Variants in CDADC1 observed in about 807,000 individuals in gnomAD.
CDADC1 encodes cytidine and dCMP deaminase domain containing 1.
CDADC1 carries 39 observed loss-of-function variants against 54.9 expected under a neutral mutation model. The ratio of observed to expected loss-of-function variants is 0.71; its 90% CI spans 0.55 to 0.93. The LOEUF (loss-of-function observed/expected upper bound fraction) is 0.93, where lower values mean the gene tolerates loss of function less well. CDADC1 is among the 40% of genes least tolerant of loss of function. The probability of loss-of-function intolerance (pLI) is 0.00; values close to 1 mark genes in which losing one functional copy is unlikely to be tolerated. For missense variants in CDADC1, 518 were observed against 618.8 expected (o/e 0.84, Z 1.73); for synonymous variants, 186 against 204.0 (o/e 0.91, Z 0.75).
At chr13:49,261,824 C>T (rs1190857162) in intron 4 of CDADC1, among the ~76,000 whole-genome samples, 3 of 152,172 alleles carry the variant, frequency 2.0e-5, no homozygotes, top group Non-Finnish European at 2.9e-5. Flanking sequence ...GCAGGTAACT[C>T]ATCACTGCTT....
intron 8 of CDADC1, among the ~76,000 whole-genome samples, chr13:49,284,874 CTTTTGGT>C (rs1195394199): frequency 6.6e-6 from 1 of 152,112 alleles, no homozygotes; most frequent in Non-Finnish European, 1.5e-5. Flanking sequence ...CTAGCAGGGC[CTTTTGGT>C]TAAGTCATTA....
chr13:49,289,450 G>A lies in CDADC1; in HGVS notation c.1472-2234G>A, dbSNP rs571654989. 8.5e-5 allele frequency among the ~76,000 whole-genome samples: 13 copies of A among 152,206 alleles called. No individual in the cohort carries two copies. The South Asian group carries it at 1.5e-3, about 17-fold the overall frequency. On this transcript the variant is annotated intron_variant, in intron 9 of 9. Coordinates refer to ENST00000251108, the MANE Select transcript of CDADC1 (RefSeq NM_030911.4). The stretch of plus-strand genomic sequence containing the variant: ...GCCTGAAATAGCATTTTTTATAAGC[G>A]TATGCCCTAGAGAAACTCTTGCATA...
rs777756150 is a variant in CDADC1 at position 49,286,277 on chromosome 13, G to A, written c.1466G>A (p.Arg489Lys). 6.2e-7 allele frequency: 1 copy of A among 1,611,432 alleles called. No individual in the cohort carries two copies. The highest frequency in any genetic ancestry group is 8.5e-7 in the Non-Finnish European group (1 of 1,177,592). ...CTTGAACAAAATGAGCCTGAAAGGA[G>A]AGAAAGTAAGTATTTATGTATTGAG... is the stretch of plus-strand genomic sequence containing the variant. Reference protein sequence around the residue: ...YGLEQNEPERRENGVLRPVPQ... With the variant: ...YGLEQNEPERKENGVLRPVPQ... Residue 489 changes from arginine (R) to lysine (K), a missense_variant, in exon 9 of 10, where the codon AGA becomes AAA. Coordinates refer to ENST00000251108, the MANE Select transcript of CDADC1 (RefSeq NM_030911.4).
intron 5 of CDADC1, among the ~76,000 whole-genome samples, chr13:49,269,109 T>C (rs1443658575): frequency 6.6e-6 from 1 of 152,134 alleles, no homozygotes; most frequent in Non-Finnish European, 1.5e-5. Context: ...GGGAGTGTAC[T>C]GTAGTAGGAT....
chr13:49,249,987 T>C lies in CDADC1; in HGVS notation c.177+1022T>C, dbSNP rs148499837. Among the ~76,000 whole-genome samples the C allele has an allele frequency of 3.0e-3, 454 of 152,258 alleles. 3 individuals carry two copies. The highest frequency in any genetic ancestry group is 0.01 in the African/African-American group (432 of 41,540). On this transcript the variant is annotated intron_variant, in intron 2 of 9. Coordinates refer to ENST00000251108, the MANE Select transcript of CDADC1 (RefSeq NM_030911.4). ...CATTGGAAAATAGTATTAGGTTAAG[T>C]TGAGCATTTAAGACTTTTTTTAAAA...
intron 8 of CDADC1, among the ~76,000 whole-genome samples, chr13:49,284,215 T>TC (rs1361911149): frequency 2.0e-5 from 3 of 152,212 alleles, no homozygotes; most frequent in Admixed American, 6.5e-5. Context: ...TGTGGATTTT[T>TC]CTCTATTAGG....
intron 7 of CDADC1, among the ~76,000 whole-genome samples, chr13:49,280,150 C>G (rs1953275617): frequency 6.6e-6 from 1 of 152,126 alleles, no homozygotes; most frequent in Non-Finnish European, 1.5e-5. Flanking sequence ...AAATCTAATT[C>G]CAGTATTCTA....
intron 8 of CDADC1, among the ~76,000 whole-genome samples, chr13:49,282,696 C>A (rs1046097841): frequency 2.0e-5 from 3 of 152,350 alleles, no homozygotes; most frequent in Non-Finnish European, 4.4e-5. Context: ...AGTTAAGAAG[C>A]TTCTTCTGTA....
intron 1 of CDADC1, chr13:49,248,371 G>T (rs1593778088): frequency 4.5e-6 from 2 of 447,676 alleles, no homozygotes; most frequent in Non-Finnish European, 8.0e-6. Flanking sequence ...GGCCTCTGAG[G>T]TCAAAGAGCC....
At chr13:49,267,031 G>A (rs1396088871) in intron 4 of CDADC1, among the ~76,000 whole-genome samples, 1 of 152,132 alleles carries the variant, frequency 6.6e-6, no homozygotes, top group African/African-American at 2.4e-5. Context: ...TCTGTGAGAG[G>A]CTGGGTAACT....
At chr13:49,266,510 T>C (rs1284612034) in intron 4 of CDADC1, among the ~76,000 whole-genome samples, 2 of 152,206 alleles carry the variant, frequency 1.3e-5, no homozygotes, top group African/African-American at 2.4e-5. Flanking sequence ...TAGTTTGTTG[T>C]TTTGTCTTTA....
chr13:49,254,125 A>G (rs1167323490), intron 2 of CDADC1, among the ~76,000 whole-genome samples: 1 of 152,192 alleles, frequency 6.6e-6, no homozygotes, highest in African/African-American at 2.4e-5. Context: ...CATGCAGTAG[A>G]TGTTAGGTAC....
Position 49,259,491 on chromosome 13 carries a change from C to G in CDADC1, c.398C>G (p.Pro133Arg), listed in dbSNP as rs372330771. Residue 133 changes from proline (P) to arginine (R), a missense_variant, in exon 4 of 10, where the codon CCA becomes CGA. Physicochemically the swap from Pro to Arg is moderately radical, Grantham distance 103 (BLOSUM62 -2). Transcript: ENST00000251108. ...TGTGATCTTTATTTTTCCAGAAAAC[C>G]ATGTTCTGCTTGTTTGAAAATGATT... ...KNCDLYFSRK[P>R]CSACLKMIVN... The G allele has an allele frequency of 1.2e-6, 2 of 1,613,848 alleles. No individual in the cohort carries two copies. The highest frequency in any genetic ancestry group is 1.7e-6 in the Non-Finnish European group (2 of 1,179,916).
chr13:49,274,422 T>C, intron 6 of CDADC1, 82 bp downstream of exon 6: 1 of 1,091,860 alleles, frequency 9.2e-7, no homozygotes, highest in East Asian at 2.5e-5. Flanking sequence ...TACAGGTTAC[T>C]GACTGCCAAG....
chr13:49,268,231 GTT>G (rs1232055755), intron 5 of CDADC1, among the ~76,000 whole-genome samples, 172 bp downstream of exon 5: 2 of 152,148 alleles, frequency 1.3e-5, no homozygotes, highest in African/African-American at 4.8e-5. Context: ...TCTCCCAGCA[GTT>G]TTGGGATTCC....
At chr13:49,285,406 ACCT>A (rs2138266804) in intron 8 of CDADC1, among the ~76,000 whole-genome samples, 1 of 151,884 alleles carries the variant, frequency 6.6e-6, no homozygotes, top group South Asian at 2.1e-4. Context: ...TCTCTATCTG[ACCT>A]CGTGATCCAC....
Position 49,259,404 on chromosome 13 carries a change from C to G in CDADC1, c.311C>G (p.Ser104Cys), listed in dbSNP as rs1952618508. 1 of 1,613,762 alleles carries G rather than the reference C, an allele frequency of 6.2e-7. No individual in the cohort carries two copies. The highest frequency in any genetic ancestry group is 1.7e-5 in the Admixed American group (1 of 60,008). Residue 104 changes from serine (S) to cysteine (C), a missense_variant, in exon 4 of 10, where the codon TCT becomes TGT. Transcript: ENST00000251108. ...KNMKIVGLHC[S>C]SEDLHAGQIA... ...ATGAAAATTGTTGGTCTCCACTGTTCTAGTGAAGATTTACATGCCGGGCAG... is the reference window on the plus strand; with the variant it reads ...ATGAAAATTGTTGGTCTCCACTGTTGTAGTGAAGATTTACATGCCGGGCAG...
chr13:49,271,577 G>A (rs1367903424), intron 5 of CDADC1, among the ~76,000 whole-genome samples: 1 of 151,436 alleles, frequency 6.6e-6, no homozygotes, highest in African/African-American at 2.4e-5. Context: ...TTGATTTAGG[G>A]GACTTCCATG....
chr13:49,249,959 G>T (rs988838709), intron 2 of CDADC1, among the ~76,000 whole-genome samples: 2 of 151,970 alleles, frequency 1.3e-5, no homozygotes, highest in African/African-American at 4.8e-5. Flanking sequence ...AGGGGGCCAC[G>T]GCCATTGGAA....
Sources: allele counts gnomAD v4.1 joint callset (sites outside exome capture counted in the v4.1 genomes callset), GRCh38; gene constraint gnomAD v4.1.1; transcripts MANE v1.5; gene names NCBI Gene and HGNC (gene_info 2026-07-23, HGNC 2026-07-21).